ASAP2: variants seen among roughly 807,000 people sequenced by gnomAD.
ASAP2 encodes ArfGAP with SH3 domain, ankyrin repeat and PH domain 2, also known as arf-GAP with SH3 domain, ANK repeat and PH domain-containing protein 2.
In ASAP2, 45 loss-of-function variants were observed where a neutral mutation model predicts 131.4. The observed-to-expected ratio is 0.34, with a 90% CI of 0.27 to 0.44. ASAP2 has a LOEUF of 0.44. Ranked by LOEUF, ASAP2 falls within the 20% of genes least tolerant of loss-of-function variation. The pLI is 1.00. For missense variants in ASAP2, 1,011 were observed against 1,297.0 expected, an observed-to-expected ratio of 0.78 and a Z score of 3.39; for synonymous variants, 510 against 503.0, an observed-to-expected ratio of 1.01 and a Z score of -0.19.
chr2:9,377,706 G>A (rs1674514295), intron 18 of ASAP2, among the ~76,000 whole-genome samples: 2 of 152,156 alleles, frequency 1.3e-5, no homozygotes, highest in Non-Finnish European at 2.9e-5. Flanking sequence ...CAAAGGAAAT[G>A]GAAAATTCCA....
intron 2 of ASAP2, among the ~76,000 whole-genome samples, chr2:9,292,080 C>T (rs1667851932): frequency 6.6e-6 from 1 of 152,152 alleles, no homozygotes; most frequent in South Asian, 2.1e-4. Flanking sequence ...TCATCACCCT[C>T]TCTGAGCTTT....
chr2:9,404,614 AAAAGT>A lies in ASAP2; in HGVS notation c.*1292_*1296del, dbSNP rs1313547007. On this transcript the variant is annotated 3_prime_UTR_variant, in exon 28 of 28. Coordinates refer to ENST00000281419, the MANE Select transcript of ASAP2 (RefSeq NM_003887.3). ...TATGATACCCACTTGGACTTTTAAC[AAAAGT>A]AAAGGAATAAATTTGCATATAGGCT... 3 of 152,636 alleles carry A rather than the reference AAAAGT, an allele frequency of 2.0e-5. No homozygotes were observed. Among genetic ancestry groups the A allele is most frequent in the Non-Finnish European group, 4.4e-5 (3 of 68,046 alleles). The allele number at this position is 152,636 out of a possible 1,614,324, so 9.5% of individuals were successfully genotyped here.
chr2:9,223,773 A>T (rs956653707), intron 1 of ASAP2, among the ~76,000 whole-genome samples: 1 of 152,156 alleles, frequency 6.6e-6, no homozygotes, highest in Non-Finnish European at 1.5e-5. Context: ...CCAGTGCCCT[A>T]CAGCTAAGGC....
intron 2 of ASAP2, among the ~76,000 whole-genome samples, chr2:9,284,616 C>T (rs1340692839): frequency 6.6e-6 from 1 of 152,142 alleles, no homozygotes; most frequent in East Asian, 1.9e-4. Flanking sequence ...AGTGAGATAA[C>T]ATGAAAAAGT....
chr2:9,372,353 C>T (rs976427148), intron 16 of ASAP2, among the ~76,000 whole-genome samples: 13 of 152,168 alleles, frequency 8.5e-5, no homozygotes, highest in African/African-American at 3.1e-4. Context: ...CTTGTAGGCC[C>T]ACCAGCTGCC....
At chr2:9,304,078 C>A (rs1051847201) in intron 3 of ASAP2, among the ~76,000 whole-genome samples, 4 of 152,162 alleles carry the variant, frequency 2.6e-5, no homozygotes, top group African/African-American at 9.7e-5. Flanking sequence ...CCTGAGGGTA[C>A]AGCATTGGAA....
chr2:9,277,169 G>A (rs986670510), intron 1 of ASAP2, among the ~76,000 whole-genome samples: 18 of 152,192 alleles, frequency 1.2e-4, no homozygotes, highest in Admixed American at 3.3e-4. Context: ...GAGGAGCACC[G>A]TGAACTGGCA....
chr2:9,262,811 G>A (rs1046306687), intron 1 of ASAP2, among the ~76,000 whole-genome samples: 40 of 152,240 alleles, frequency 2.6e-4, no homozygotes, highest in Admixed American at 1.0e-3. Flanking sequence ...ACGGTGTGAT[G>A]ATGGCGTCTC....
chr2:9,356,451 A>C, intron 14 of ASAP2, 106 bp downstream of exon 14: 2 of 1,294,150 alleles, frequency 1.5e-6, no homozygotes, highest in Non-Finnish European at 2.1e-6. Context: ...ACACGAAATT[A>C]AGTGCAGCTC....
chr2:9,391,117 C>A lies in ASAP2; in HGVS notation c.2439C>A (p.Asp813Glu). 1 of 1,613,926 alleles carries A rather than the reference C, an allele frequency of 6.2e-7. No homozygotes were observed. Among genetic ancestry groups the A allele is most frequent in the Non-Finnish European group, 8.5e-7 (1 of 1,179,936 alleles). The change falls in exon 23 of 28, where the codon GAC (aspartate) becomes GAA (glutamate). Residue 813 changes from aspartate to glutamate, a missense_variant. This residue lies in a region of ASAP2 where 652 missense variants were observed against 698.9 expected (regional missense o/e 0.93). Transcript: ENST00000281419. ...GGAAGACAAACTCTGTAAGTGTGGA[C>A]GGTGGAAGCCGGCAGCGATCTTCGT... is the stretch of plus-strand genomic sequence containing the variant. ...TLWKTNSVSV[D>E]GGSRQRSSSD...
intron 14 of ASAP2, 37 bp downstream of exon 14, chr2:9,356,382 A>G (rs1553320139): frequency 2.0e-6 from 3 of 1,526,426 alleles, no homozygotes; most frequent in Non-Finnish European, 2.6e-6. Flanking sequence ...GGGCTCTAGG[A>G]CATTTCAATC....
intron 1 of ASAP2, among the ~76,000 whole-genome samples, chr2:9,222,358 A>G (rs1182045987): frequency 6.6e-6 from 1 of 152,172 alleles, no homozygotes; most frequent in African/African-American, 2.4e-5. Flanking sequence ...GGTTTTAGAT[A>G]TTTGCCTTGT....
At chr2:9,354,352 C>T (rs902862032) in intron 12 of ASAP2, among the ~76,000 whole-genome samples, 8 of 152,242 alleles carry the variant, frequency 5.3e-5, no homozygotes, top group Admixed American at 3.9e-4. Context: ...TTCTCCCTCA[C>T]GGCTGAAGCT....
chr2:9,349,985 G>A (rs1291578328), intron 11 of ASAP2, among the ~76,000 whole-genome samples: 2 of 152,166 alleles, frequency 1.3e-5, no homozygotes, highest in East Asian at 1.9e-4. Flanking sequence ...TAGCAGCTTG[G>A]TAGGTGGGTA....
chr2:9,362,263 C>A, intron 15 of ASAP2, among the ~76,000 whole-genome samples: 1 of 152,052 alleles, frequency 6.6e-6, no homozygotes, highest in East Asian at 1.9e-4. Flanking sequence ...TTCATTAGGC[C>A]CCTTGGTGCC....
At chr2:9,376,453 T>C (rs1409910999) in intron 17 of ASAP2, among the ~76,000 whole-genome samples, 3 of 152,254 alleles carry the variant, frequency 2.0e-5, no homozygotes, top group African/African-American at 7.2e-5. Context: ...GTTATTAGCA[T>C]TCGTAGCCTT....
At position 9,263,814 on chromosome 2, in the gene ASAP2, G is replaced by A. The variant is rs375421035; in HGVS notation, c.127-15503G>A. 7.2e-5 allele frequency among the ~76,000 whole-genome samples: 11 copies of A among 152,326 alleles called. No homozygotes were observed. In the South Asian group the frequency reaches 1.4e-3, roughly 20 times the overall value. On this transcript the variant is annotated intron_variant, in intron 1 of 27. Coordinates refer to ENST00000281419, the MANE Select transcript of ASAP2 (RefSeq NM_003887.3). ...TTCAGGCACAGTTGACGGCCGTCTG[G>A]AGGTCATCAGCTGAGGGCACAGTTT...
At chr2:9,399,962 G>C in intron 24 of ASAP2, 61 bp from the exon 25 acceptor site, 1 of 1,536,616 alleles carries the variant, frequency 6.5e-7, no homozygotes, top group Non-Finnish European at 9.0e-7. Context: ...GATAAAAGGG[G>C]ATGAGAAAGG....
intron 14 of ASAP2, among the ~76,000 whole-genome samples, chr2:9,357,155 T>C (rs1196841591): frequency 6.6e-6 from 1 of 150,542 alleles, no homozygotes; most frequent in Non-Finnish European, 1.5e-5. Context: ...CCCTGAAGAC[T>C]GTATTTGGCC....
Sources: gnomAD v4.1 joint callset for allele counts (sites outside exome capture counted in the v4.1 genomes callset) on GRCh38, gnomAD v4.1.1 for gene constraint, gnomAD v4.1.1 regional missense constraint, MANE v1.5 for transcripts, NCBI Gene and HGNC (gene_info 2026-07-23, HGNC 2026-07-21) for gene names.